The following PCDHGA2 variants were observed in gnomAD, a reference collection of about 807,000 sequenced individuals.
The protein encoded by PCDHGA2 is protocadherin gamma-A2.
A neutral mutation model predicts 59.2 loss-of-function variants in PCDHGA2; 40 were observed. That is an observed-to-expected ratio of 0.68 (90% CI 0.52 to 0.88). The LOEUF is 0.88. Among genes scored for constraint, PCDHGA2 ranks in the 40% least tolerant of loss-of-function variants. The probability of loss-of-function intolerance (pLI) is 0.00; values close to 1 mark genes in which losing one functional copy is unlikely to be tolerated. For missense variants in PCDHGA2, 1,226 were observed against 1,204.0 expected (o/e 1.02, Z -0.27); for synonymous variants, 560 against 526.0 (o/e 1.06, Z -0.89).
At chr5:141,450,293 G>A (rs879439714) in intron 1 of PCDHGA2, among the ~76,000 whole-genome samples, 6 of 151,746 alleles carry the variant, frequency 4.0e-5, no homozygotes, top group Non-Finnish European at 7.4e-5. Flanking sequence ...GATTACAGGC[G>A]TGAGCCACCA....
At chr5:141,371,661 A>G (rs1767926487) in intron 1 of PCDHGA2, 2 of 1,614,044 alleles carry the variant, frequency 1.2e-6, no homozygotes, top group Admixed American at 1.7e-5. Context: ...TGTGACGATC[A>G]CAGCTACCGA....
chr5:141,454,128 C>T (rs988254902), intron 1 of PCDHGA2, among the ~76,000 whole-genome samples: 4 of 152,122 alleles, frequency 2.6e-5, no homozygotes, highest in African/African-American at 7.2e-5. Flanking sequence ...AATAGCTGAC[C>T]ATGGGAATGT....
intron 1 of PCDHGA2, among the ~76,000 whole-genome samples, chr5:141,450,777 G>A (rs907160074): frequency 1.3e-5 from 2 of 150,004 alleles, no homozygotes; most frequent in East Asian, 2.0e-4. Context: ...ATGAGCCACC[G>A]TGCCCGGACC....
intron 1 of PCDHGA2, chr5:141,357,088 C>A (rs530114356): frequency 1.2e-6 from 2 of 1,613,782 alleles, no homozygotes; most frequent in Admixed American, 1.7e-5. Flanking sequence ...GCGCACCGCA[C>A]GGGCCCTGCT....
intron 1 of PCDHGA2, chr5:141,379,151 G>A (rs1015357697): frequency 4.6e-5 from 7 of 152,166 alleles, no homozygotes; most frequent in Admixed American, 6.5e-5. Flanking sequence ...TTTGTAACCT[G>A]ACTTTGTCAG....
At chr5:141,423,126 G>A (rs1397550571) in intron 1 of PCDHGA2, 1 of 1,613,622 alleles carries the variant, frequency 6.2e-7, no homozygotes, top group Non-Finnish European at 8.5e-7. Context: ...CGCGGGCACT[G>A]CTGGACAGAG....
At chr5:141,358,396 T>C (rs1427310133) in intron 1 of PCDHGA2, among the ~76,000 whole-genome samples, 1 of 152,190 alleles carries the variant, frequency 6.6e-6, no homozygotes, top group Non-Finnish European at 1.5e-5. Flanking sequence ...TGCTTGAAGT[T>C]TACTTTTCCT....
At chr5:141,430,948 A>C (rs753305931) in intron 1 of PCDHGA2, 47 of 1,609,938 alleles carry the variant, frequency 2.9e-5, no homozygotes, top group Non-Finnish European at 4.0e-5. Context: ...CGGAGCGCGG[A>C]GTCCGCATCA....
In PCDHGA2 at chr5:141,485,990, C is replaced by T. The variant is rs1285988124; in HGVS notation, c.2425-8817C>T. 2.5e-6 allele frequency: 4 copies of T among 1,614,168 alleles called. No homozygotes were observed. The stretch of plus-strand genomic sequence containing the variant: ...CAATGCCTCAGACCCGGACCTGGGT[C>T]CCAGTGGTAACGTCACCTTTTATTT... On this transcript the variant is annotated intron_variant, in intron 1 of 3. Coordinates refer to ENST00000394576, the MANE Select transcript of PCDHGA2 (RefSeq NM_018915.4). This position sits in a 1 kb window ranked among gnomAD's most constrained non-coding sequence, Gnocchi z 5.7.
At chr5:141,408,121 T>C in intron 1 of PCDHGA2, 1 of 1,475,406 alleles carries the variant, frequency 6.8e-7, no homozygotes, top group South Asian at 1.4e-5. Context: ...CCTCCTGTCC[T>C]GGGCCGAATG....
At chr5:141,391,839 T>G (rs995589062) in intron 1 of PCDHGA2, 1 of 152,244 alleles carries the variant, frequency 6.6e-6, no homozygotes, top group Non-Finnish European at 1.5e-5. Context: ...AGAATATATG[T>G]AAAAGTCAAG....
chr5:141,487,689 A>G lies in PCDHGA2; in HGVS notation c.2425-7118A>G. 6.2e-7 allele frequency: 1 copy of G among 1,605,144 alleles called. No homozygotes were observed. The highest frequency in any genetic ancestry group is 1.7e-4 in the Middle Eastern group (1 of 6,050). ...GGCATATGGCTAGGCCATGTCCTAG[A>G]GAGTACTGGCCTCTCAGTAAGTGCC... On this transcript the variant is annotated intron_variant, in intron 1 of 3. Coordinates refer to ENST00000394576, the MANE Select transcript of PCDHGA2 (RefSeq NM_018915.4). This position sits in a 1 kb window ranked among gnomAD's most constrained non-coding sequence, Gnocchi z 5.0.
Position 141,339,352 on chromosome 5 carries a change from C to A in PCDHGA2, c.381C>A (p.Asn127Lys), listed in dbSNP as rs750765335. The A allele has an allele frequency of 1.9e-6, 3 of 1,614,048 alleles. No individual in the cohort carries two copies. The highest frequency in any genetic ancestry group is 2.2e-5 in the East Asian group (1 of 44,898). The change falls in exon 1 of 4, where the codon AAC (asparagine) becomes AAA (lysine). Residue 127 changes from asparagine to lysine, a missense_variant. By Grantham distance (94) the Asn-to-Lys change is moderately conservative. Transcript: ENST00000394576. ...TAGAGGTGGAAATAACAGATATTAA[C>A]GATAATGCCCCTCGCTTTGGAGTAG... ...YSVEVEITDINDNAPRFGVEE... is the reference protein window; with the variant it reads ...YSVEVEITDIKDNAPRFGVEE...
At position 141,491,733 on chromosome 5, in the gene PCDHGA2, TGGGGGCGGCAC is replaced by T; in HGVS notation, c.2425-3073_2425-3063del. 1.9e-6 allele frequency: 3 copies of T among 1,602,698 alleles called. No individual in the cohort carries two copies. The highest frequency in any genetic ancestry group is 2.6e-6 in the Non-Finnish European group (3 of 1,175,258). On this transcript the variant is annotated intron_variant, in intron 1 of 3. Coordinates refer to ENST00000394576, the MANE Select transcript of PCDHGA2 (RefSeq NM_018915.4). The surrounding 1 kb of genome is among the most constrained non-coding windows in gnomAD (Gnocchi z 6.9). ...GCTCGGCGCCGCCCCGGGCGACCCC[TGGGGGCGGCAC>T]TGGAGAAGCCGCCCGTCCTCATAAG...
At chr5:141,350,535 T>C in intron 1 of PCDHGA2, 1 of 1,613,978 alleles carries the variant, frequency 6.2e-7, no homozygotes, top group South Asian at 1.1e-5. Context: ...CGAGAGAAGA[T>C]TTGCGGAAGG....
intron 1 of PCDHGA2, among the ~76,000 whole-genome samples, chr5:141,465,063 C>T (rs187265709): frequency 8.5e-4 from 129 of 151,534 alleles, no homozygotes; most frequent in South Asian, 1.3e-3. Context: ...TTTGAATTGT[C>T]TGTTCATGTC....
chr5:141,403,204 G>A, intron 1 of PCDHGA2: 4 of 1,613,952 alleles, frequency 2.5e-6, no homozygotes, highest in Non-Finnish European at 3.4e-6. Flanking sequence ...GCGGCACCTT[G>A]GTCACCGCGG....
chr5:141,418,041 T>C lies in PCDHGA2; in HGVS notation c.2424+76646T>C, dbSNP rs764313049. The C allele has an allele frequency of 1.2e-6, 2 of 1,613,858 alleles. No individual in the cohort carries two copies. Among genetic ancestry groups the C allele is most frequent in the Non-Finnish European group, 1.7e-6 (2 of 1,179,856 alleles). On this transcript the variant is annotated intron_variant, in intron 1 of 3. Transcript: ENST00000394576. ...GATCTAGGGCTTAGTGTCCTGGATG[T>C]GTCGGCTCGCGAGCTGCGAGTGAGC... is the stretch of plus-strand genomic sequence containing the variant.
intron 1 of PCDHGA2, among the ~76,000 whole-genome samples, chr5:141,343,574 T>C (rs776107854): frequency 2.6e-5 from 4 of 152,228 alleles, no homozygotes; most frequent in African/African-American, 4.8e-5. Flanking sequence ...AACTCCACTA[T>C]GTTTGAAGCA....
Sources: gnomAD v4.1 joint callset for allele counts (sites outside exome capture counted in the v4.1 genomes callset) on GRCh38, gnomAD v4.1.1 for gene constraint, Gnocchi (gnomAD v3.1) non-coding constraint, MANE v1.5 for transcripts, NCBI Gene and HGNC (gene_info 2026-07-23, HGNC 2026-07-21) for gene names.